CELF4: variants seen among roughly 807,000 people sequenced by gnomAD.
The protein encoded by CELF4 is CUGBP Elav-like family member 4.
Under a neutral mutation model 59.9 loss-of-function variants are expected in CELF4, and 18 were observed. The ratio of observed to expected loss-of-function variants is 0.30; its 90% CI spans 0.21 to 0.45. CELF4 has a LOEUF of 0.45. Ranked by LOEUF, CELF4 falls within the 20% of genes least tolerant of loss-of-function variation. The pLI is 1.00. For missense variants in CELF4, 456 were observed against 689.0 expected (o/e 0.66, Z 3.79); for synonymous variants, 261 against 267.1 (o/e 0.98, Z 0.22).
At chr18:37,306,863 C>T (rs11875798) in intron 3 of CELF4, among the ~76,000 whole-genome samples, 56 of 152,346 alleles carry the variant, frequency 3.7e-4, no homozygotes, top group African/African-American at 1.3e-3. Flanking sequence ...GAAATGACAC[C>T]GCTACAGTGA....
intron 1 of CELF4, among the ~76,000 whole-genome samples, chr18:37,522,211 C>T (rs2099958258): frequency 6.6e-6 from 1 of 152,156 alleles, no homozygotes; most frequent in Non-Finnish European, 1.5e-5. Flanking sequence ...CCCACCTCCT[C>T]CTGACTGGTG....
chr18:37,472,236 G>T (rs2154602634), intron 2 of CELF4, among the ~76,000 whole-genome samples: 1 of 152,388 alleles, frequency 6.6e-6, no homozygotes, highest in South Asian at 2.1e-4. Flanking sequence ...GGCAGGGCCA[G>T]CTCCAGCGTC....
intron 1 of CELF4, among the ~76,000 whole-genome samples, chr18:37,491,278 G>A (rs1029945302): frequency 1.3e-5 from 2 of 149,574 alleles, no homozygotes; most frequent in Non-Finnish European, 3.0e-5. Flanking sequence ...TGAGAGGGAC[G>A]CCGTGCCCAC....
At chr18:37,304,377 A>C (rs1338625749) in intron 3 of CELF4, among the ~76,000 whole-genome samples, 1 of 152,224 alleles carries the variant, frequency 6.6e-6, no homozygotes, top group Non-Finnish European at 1.5e-5. Context: ...GCAGGCTTCC[A>C]GACTATGGGG....
chr18:37,396,902 C>A (rs1213409411), intron 2 of CELF4, among the ~76,000 whole-genome samples: 1 of 152,166 alleles, frequency 6.6e-6, no homozygotes, highest in Non-Finnish European at 1.5e-5. Flanking sequence ...GCAAACTCAC[C>A]CTGCTCATAT....
At chr18:37,432,494 C>A (rs952586534) in intron 2 of CELF4, among the ~76,000 whole-genome samples, 1 of 152,344 alleles carries the variant, frequency 6.6e-6, no homozygotes, top group South Asian at 2.1e-4. Flanking sequence ...ACAACAAAGA[C>A]AATGAACGCT....
rs73435326 is a variant in CELF4 at position 37,549,396 on chromosome 18, C to T, written c.286+15960G>A. ...GGGAAAAAAACTCCTACTCCTTGAA[C>T]GAAAGGTTGCCCTTTGGCCAGGGGC... On this transcript the variant is annotated intron_variant, in intron 1 of 12. Transcript: ENST00000420428. Among the ~76,000 whole-genome samples the T allele has an allele frequency of 8.4e-3, 1,278 of 152,270 alleles. 23 individuals are homozygous for T. Among genetic ancestry groups the T allele is most frequent in the East Asian group, 0.077 (399 of 5,156 alleles).
At chr18:37,258,803 G>A (rs1290508413) in intron 11 of CELF4, among the ~76,000 whole-genome samples, 1 of 152,180 alleles carries the variant, frequency 6.6e-6, no homozygotes, top group Non-Finnish European at 1.5e-5. Flanking sequence ...GGTGTGGCTG[G>A]GCTCTGCCTG....
chr18:37,513,822 A>G (rs2099947368), intron 1 of CELF4, among the ~76,000 whole-genome samples: 1 of 152,132 alleles, frequency 6.6e-6, no homozygotes, highest in South Asian at 2.1e-4. Flanking sequence ...TGAAGGGTTC[A>G]TGAACTTCTG....
chr18:37,519,800 A>G (rs868304051), intron 1 of CELF4, among the ~76,000 whole-genome samples: 2 of 152,196 alleles, frequency 1.3e-5, no homozygotes, highest in African/African-American at 4.8e-5. Flanking sequence ...GTGGATGTAC[A>G]TAAACTCCAG....
In CELF4 at chr18:37,354,341, A is replaced by G. The variant is rs139874969; in HGVS notation, c.370-32460T>C. ...TTGCTCCAGTGCTGTCAGACCTCCA[A>G]GTTCATTGCTGGGGGAAATGAAGCC... On this transcript the variant is annotated intron_variant, in intron 2 of 12. Transcript: ENST00000420428. 1.4e-3 allele frequency among the ~76,000 whole-genome samples: 215 copies of G among 152,014 alleles called. 1 individual carries two copies. Among genetic ancestry groups the G allele is most frequent in the African/African-American group, 4.9e-3 (204 of 41,478 alleles).
intron 2 of CELF4, among the ~76,000 whole-genome samples, chr18:37,442,875 C>G (rs551157987): frequency 6.6e-6 from 1 of 152,350 alleles, no homozygotes; most frequent in African/African-American, 2.4e-5. Flanking sequence ...CTGTTAAGCT[C>G]TCCTTCCTTT....
chr18:37,326,931 C>T (rs2097338449), intron 2 of CELF4, among the ~76,000 whole-genome samples: 1 of 152,202 alleles, frequency 6.6e-6, no homozygotes, highest in South Asian at 2.1e-4. Flanking sequence ...GGGACATACC[C>T]TTTAAATATT....
intron 2 of CELF4, among the ~76,000 whole-genome samples, chr18:37,362,781 C>T (rs1044849721): frequency 1.3e-5 from 2 of 152,180 alleles, no homozygotes; most frequent in Admixed American, 6.5e-5. Flanking sequence ...TCGGCTCTCC[C>T]TGCTGATCTG....
chr18:37,340,276 C>T (rs1034413216), intron 2 of CELF4, among the ~76,000 whole-genome samples: 11 of 152,244 alleles, frequency 7.2e-5, no homozygotes, highest in South Asian at 6.2e-4. Flanking sequence ...AGTGGCTCTC[C>T]GAGCTCTCAG....
chr18:37,525,528 G>A (rs2154604842), intron 1 of CELF4, among the ~76,000 whole-genome samples: 1 of 139,180 alleles, frequency 7.2e-6, no homozygotes, highest in East Asian at 2.3e-4. Flanking sequence ...GGGCAAGCAG[G>A]TTGTGAACTT....
At chr18:37,390,811 G>GA (rs2099152558) in intron 2 of CELF4, among the ~76,000 whole-genome samples, 1 of 137,524 alleles carries the variant, frequency 7.3e-6, no homozygotes. Context: ...GCGGGGAGGG[G>GA]GGGCAGTGCT....
chr18:37,267,538 G>C lies in CELF4; in HGVS notation c.1100-940C>G, dbSNP rs183639381. Among the ~76,000 whole-genome samples the C allele has an allele frequency of 2.0e-3, 308 of 152,304 alleles. 4 individuals carry two copies. The highest frequency in any genetic ancestry group is 4.9e-4 in the Non-Finnish European group (33 of 68,028). On this transcript the variant is annotated intron_variant, in intron 8 of 12. Transcript: ENST00000420428. Reference sequence around the variant, plus strand: ...TGGTAGAGGCAGGGACTGCCCAGAGGGAGGATGGAGCCCTAGGATGCTTGA... The same window carrying C: ...TGGTAGAGGCAGGGACTGCCCAGAGCGAGGATGGAGCCCTAGGATGCTTGA...
At chr18:37,339,626 C>T (rs1417792376) in intron 2 of CELF4, among the ~76,000 whole-genome samples, 1 of 151,936 alleles carries the variant, frequency 6.6e-6, no homozygotes, top group East Asian at 1.9e-4. Flanking sequence ...TGATAGCACA[C>T]ATCTGTAATC....
Sources: gnomAD v4.1 joint callset for allele counts (sites outside exome capture counted in the v4.1 genomes callset) on GRCh38, gnomAD v4.1.1 for gene constraint, MANE v1.5 for transcripts, NCBI Gene and HGNC (gene_info 2026-07-23, HGNC 2026-07-21) for gene names.